MAGI2: variants seen among roughly 807,000 people sequenced by gnomAD.
MAGI2 encodes membrane associated guanylate kinase, WW and PDZ domain containing 2, also known as membrane-associated guanylate kinase, WW and PDZ domain-containing protein 2.
MAGI2 carries 35 observed loss-of-function variants against 133.3 expected under a neutral mutation model. The ratio of observed to expected loss-of-function variants is 0.26; its 90% CI spans 0.20 to 0.35. The LOEUF is 0.35. Among genes scored for constraint, MAGI2 ranks in the 10% least tolerant of loss-of-function variants. MAGI2 has a pLI of 1.00. For missense variants in MAGI2, 1,636 were observed against 1,863.4 expected (o/e 0.88, Z 2.25); for synonymous variants, 729 against 710.6 (o/e 1.03, Z -0.41).
chr7:78,944,109 T>TA (rs762331190), intron 2 of MAGI2, among the ~76,000 whole-genome samples: 1 of 152,170 alleles, frequency 6.6e-6, no homozygotes, highest in Non-Finnish European at 1.5e-5. Flanking sequence ...CATTAGCCTA[T>TA]AAGCCAGAGC....
chr7:78,076,135 G>A (rs776927926), intron 21 of MAGI2, among the ~76,000 whole-genome samples: 4 of 152,134 alleles, frequency 2.6e-5, no homozygotes, highest in Non-Finnish European at 5.9e-5. Context: ...TATTGCTACA[G>A]TTAACAATGC....
At chr7:79,249,210 C>A (rs1351158229) in intron 1 of MAGI2, among the ~76,000 whole-genome samples, 2 of 151,870 alleles carry the variant, frequency 1.3e-5, no homozygotes, top group South Asian at 4.1e-4. Flanking sequence ...TAAGTACCTG[C>A]ATCAAAAAAG....
chr7:78,938,636 T>G (rs1800722999), intron 2 of MAGI2, among the ~76,000 whole-genome samples: 1 of 152,080 alleles, frequency 6.6e-6, no homozygotes, highest in African/African-American at 2.4e-5. Flanking sequence ...TGACTGAAAT[T>G]TACTAAATCC....
At position 78,139,733 on chromosome 7, in the gene MAGI2, A is replaced by T. The variant is rs566701218; in HGVS notation, c.2846-4527T>A. Among the ~76,000 whole-genome samples the T allele has an allele frequency of 2.6e-5, 4 of 152,350 alleles. No individual in the cohort carries two copies. The South Asian group carries it at 8.3e-4, about 32-fold the overall frequency. ...GTTGCAGTATGTCATTTGGCTTTAGACGTACTGACATTTAGGAAGGAGATA... is the reference window on the plus strand; with the variant it reads ...GTTGCAGTATGTCATTTGGCTTTAGTCGTACTGACATTTAGGAAGGAGATA... On this transcript the variant is annotated intron_variant, in intron 16 of 21. Coordinates refer to ENST00000354212, the MANE Select transcript of MAGI2 (RefSeq NM_012301.4).
chr7:78,925,298 T>C (rs1417112150), intron 2 of MAGI2, among the ~76,000 whole-genome samples: 1 of 152,072 alleles, frequency 6.6e-6, no homozygotes, highest in Non-Finnish European at 1.5e-5. Flanking sequence ...AAATGATTTC[T>C]GCCTACCAGA....
chr7:79,028,079 G>A (rs926713055), intron 1 of MAGI2, among the ~76,000 whole-genome samples: 1 of 151,286 alleles, frequency 6.6e-6, no homozygotes, highest in African/African-American at 2.4e-5. Context: ...GGGCATGGTG[G>A]CATGCGCCTG....
At chr7:78,814,568 T>C (rs1789392252) in intron 2 of MAGI2, among the ~76,000 whole-genome samples, 1 of 152,314 alleles carries the variant, frequency 6.6e-6, no homozygotes, top group Non-Finnish European at 1.5e-5. Flanking sequence ...TTGTAGAATA[T>C]TATTCTTATT....
intron 1 of MAGI2, among the ~76,000 whole-genome samples, chr7:79,332,491 T>C (rs1840155407): frequency 6.6e-6 from 1 of 152,176 alleles, no homozygotes; most frequent in South Asian, 2.1e-4. Flanking sequence ...ACCATCCTTA[T>C]TGCCCTTTTC....
At chr7:78,600,603 T>A (rs1353147854) in intron 3 of MAGI2, among the ~76,000 whole-genome samples, 1 of 152,018 alleles carries the variant, frequency 6.6e-6, no homozygotes, top group East Asian at 1.9e-4. Flanking sequence ...AATAGAAAAA[T>A]GAGGCAACTA....
At chr7:78,843,453 T>G (rs1792317474) in intron 2 of MAGI2, among the ~76,000 whole-genome samples, 1 of 151,926 alleles carries the variant, frequency 6.6e-6, no homozygotes, top group African/African-American at 2.4e-5. Flanking sequence ...TAAGGACAAT[T>G]TTTAAATTAT....
intron 2 of MAGI2, among the ~76,000 whole-genome samples, chr7:78,802,587 C>G (rs1788163898): frequency 6.6e-6 from 1 of 152,052 alleles, no homozygotes; most frequent in Non-Finnish European, 1.5e-5. Context: ...ACTTTTAGGG[C>G]AGTGAAACTA....
chr7:78,478,080 T>A (rs1791966345), intron 6 of MAGI2, among the ~76,000 whole-genome samples: 1 of 151,786 alleles, frequency 6.6e-6, no homozygotes. Flanking sequence ...CCTAGCTCCC[T>A]ATCCCCCAAC....
intron 21 of MAGI2, chr7:78,065,529 C>T: frequency 1.2e-5 from 8 of 641,540 alleles, no homozygotes; most frequent in Non-Finnish European, 2.2e-5. Flanking sequence ...TATGCAAAAC[C>T]AAGGCTCATT....
chr7:78,925,005 A>G (rs1307960149), intron 2 of MAGI2, among the ~76,000 whole-genome samples: 1 of 151,936 alleles, frequency 6.6e-6, no homozygotes, highest in African/African-American at 2.4e-5. Flanking sequence ...TTATTTTGAC[A>G]TGTGATTTGG....
At chr7:79,231,734 G>A (rs201523660) in intron 1 of MAGI2, among the ~76,000 whole-genome samples, 16 of 131,716 alleles carry the variant, frequency 1.2e-4, no homozygotes, top group African/African-American at 3.5e-4. Context: ...TCATGTCGTC[G>A]GCAAACAGGG....
chr7:78,548,994 C>T (rs1799109348), intron 3 of MAGI2, among the ~76,000 whole-genome samples: 1 of 152,070 alleles, frequency 6.6e-6, no homozygotes, highest in Non-Finnish European at 1.5e-5. Context: ...TTTGTTAAAC[C>T]TCAATTCATT....
chr7:78,269,128 T>C (rs188218867), intron 9 of MAGI2, among the ~76,000 whole-genome samples: 1 of 152,358 alleles, frequency 6.6e-6, no homozygotes, highest in African/African-American at 2.4e-5. Context: ...TCTTTTATAA[T>C]GGCTGCATAG....
At chr7:78,232,400 A>G (rs1164283837) in intron 10 of MAGI2, among the ~76,000 whole-genome samples, 1 of 152,196 alleles carries the variant, frequency 6.6e-6, no homozygotes, top group African/African-American at 2.4e-5. Context: ...ATAATACTAA[A>G]TTTATTCATG....
At chr7:78,325,317 G>C (rs1378348983) in intron 9 of MAGI2, among the ~76,000 whole-genome samples, 1 of 152,174 alleles carries the variant, frequency 6.6e-6, no homozygotes, top group African/African-American at 2.4e-5. Flanking sequence ...TCTTTGATGG[G>C]AGACAGTTTA....
Sources: allele counts gnomAD v4.1 joint callset (sites outside exome capture counted in the v4.1 genomes callset), GRCh38; gene constraint gnomAD v4.1.1; transcripts MANE v1.5; gene names NCBI Gene and HGNC (gene_info 2026-07-23, HGNC 2026-07-21).